The following APBB2 variants were observed in gnomAD, a reference collection of about 807,000 sequenced individuals.
APBB2 encodes the protein Fe65-like 1.
A neutral mutation model predicts 82.5 loss-of-function variants in APBB2; 38 were observed. That is an observed-to-expected ratio of 0.46 (90% CI 0.36 to 0.60). The LOEUF is 0.60. APBB2 is among the 20% of genes least tolerant of loss of function. The probability of loss-of-function intolerance (pLI) is 0.00; values close to 1 mark genes in which losing one functional copy is unlikely to be tolerated. For missense variants in APBB2, 772 were observed against 972.3 expected (o/e 0.79, Z 2.74); for synonymous variants, 341 against 368.2 (o/e 0.93, Z 0.85).
At chr4:41,114,325 A>G (rs1447124272) in intron 2 of APBB2, among the ~76,000 whole-genome samples, 1 of 152,228 alleles carries the variant, frequency 6.6e-6, no homozygotes, top group Non-Finnish European at 1.5e-5. Flanking sequence ...CGTATTTCAA[A>G]ATAATAAGAG....
At position 41,013,574 on chromosome 4, in the gene APBB2, CA is replaced by C. The variant is rs1317351357; in HGVS notation, c.835+8del. 1 of 1,611,820 alleles carries C rather than the reference CA, an allele frequency of 6.2e-7. No individual in the cohort carries two copies. The highest frequency in any genetic ancestry group is 8.5e-7 in the Non-Finnish European group (1 of 1,178,268). On this transcript the variant is annotated splice_region_variant and intron_variant, in intron 6 of 17. Coordinates refer to ENST00000508593, the MANE Select transcript of APBB2 (RefSeq NM_004307.2). ...GTGCCAGCTGAGGCTACGCCTTCCC[CA>C]GGGGTACCTGTTTCATCCGGGGAGC...
intron 6 of APBB2, among the ~76,000 whole-genome samples, chr4:40,991,999 C>CTG (rs1802236839): frequency 6.6e-6 from 1 of 152,048 alleles, no homozygotes; most frequent in Non-Finnish European, 1.5e-5. Flanking sequence ...CACACTCACG[C>CTG]ACAGACACCA....
chr4:41,197,793 A>G, intron 1 of APBB2, among the ~76,000 whole-genome samples: 4 of 152,172 alleles, frequency 2.6e-5, no homozygotes, highest in African/African-American at 9.7e-5. Flanking sequence ...TTCATATGCT[A>G]TTTCACTAAC....
chr4:41,107,257 G>A (rs1353364225), intron 2 of APBB2, among the ~76,000 whole-genome samples: 1 of 152,128 alleles, frequency 6.6e-6, no homozygotes, highest in Non-Finnish European at 1.5e-5. Flanking sequence ...GTTACAGTGA[G>A]CTGAGATCAC....
intron 10 of APBB2, among the ~76,000 whole-genome samples, chr4:40,931,601 C>T (rs1473579683): frequency 1.3e-5 from 2 of 152,154 alleles, no homozygotes; most frequent in African/African-American, 4.8e-5. Flanking sequence ...TCCATTCATG[C>T]TAAAAATCCT....
intron 17 of APBB2, among the ~76,000 whole-genome samples, chr4:40,817,114 T>C (rs1450110339): frequency 6.6e-6 from 1 of 151,960 alleles, no homozygotes; most frequent in Non-Finnish European, 1.5e-5. Context: ...CGTTTTAAAA[T>C]ACAGTTGACC....
chr4:40,977,385 T>G (rs912149795), intron 6 of APBB2, among the ~76,000 whole-genome samples: 1 of 151,420 alleles, frequency 6.6e-6, no homozygotes, highest in Non-Finnish European at 1.5e-5. Flanking sequence ...TAATCTCAGC[T>G]CACTGCAATC....
intron 2 of APBB2, among the ~76,000 whole-genome samples, chr4:41,124,490 G>A (rs1423770375): frequency 6.6e-6 from 1 of 152,156 alleles, no homozygotes; most frequent in East Asian, 1.9e-4. Context: ...GATTACAGGC[G>A]TGAGCCACCG....
Position 41,161,277 on chromosome 4 carries a change from G to A in APBB2, c.-416-18135C>T, listed in dbSNP as rs116265118. ...TTCATAGACACTGCTCGTTTATTCT[G>A]GAATCTCTGAGTCCAAGCCCAAAGT... On this transcript the variant is annotated intron_variant, in intron 1 of 17. Coordinates refer to ENST00000508593, the MANE Select transcript of APBB2 (RefSeq NM_004307.2). 9.5e-3 allele frequency among the ~76,000 whole-genome samples: 1,433 copies of A among 151,466 alleles called. 31 individuals are homozygous for A. Among genetic ancestry groups the A allele is most frequent in the African/African-American group, 0.033 (1,378 of 41,236 alleles).
chr4:41,205,282 G>C (rs1333538585), intron 1 of APBB2, among the ~76,000 whole-genome samples: 4 of 152,170 alleles, frequency 2.6e-5, no homozygotes, highest in African/African-American at 9.7e-5. Context: ...AAAGGGAAGA[G>C]TTACTAAGCA....
intron 1 of APBB2, among the ~76,000 whole-genome samples, chr4:41,151,482 C>G (rs2154027871): frequency 6.6e-6 from 1 of 152,196 alleles, no homozygotes; most frequent in Non-Finnish European, 1.5e-5. Flanking sequence ...TTCATCATTC[C>G]TTTTTGCATC....
chr4:41,027,045 C>T (rs1714552689), intron 5 of APBB2, among the ~76,000 whole-genome samples: 1 of 152,140 alleles, frequency 6.6e-6, no homozygotes, highest in Admixed American at 6.5e-5. Flanking sequence ...TACCTAGATC[C>T]TGTTTTGTTA....
chr4:41,079,193 C>T (rs1194162551), intron 3 of APBB2, among the ~76,000 whole-genome samples: 1 of 152,208 alleles, frequency 6.6e-6, no homozygotes, highest in Admixed American at 6.5e-5. Flanking sequence ...ATTGTATGAC[C>T]TTGGCTATGA....
chr4:41,035,317 C>G (rs1052652601), intron 4 of APBB2, among the ~76,000 whole-genome samples: 6 of 152,110 alleles, frequency 3.9e-5, no homozygotes, highest in African/African-American at 1.4e-4. Flanking sequence ...TCTACTGAAC[C>G]AAGATACATT....
intron 10 of APBB2, among the ~76,000 whole-genome samples, chr4:40,896,778 C>T (rs2154354658): frequency 6.6e-6 from 1 of 152,238 alleles, no homozygotes; most frequent in Admixed American, 6.5e-5. Flanking sequence ...CTGGGTTAGA[C>T]AATAAATCAT....
At chr4:40,830,432 A>C (rs368670723) in intron 13 of APBB2, 31 bp downstream of exon 13, 32 of 1,465,980 alleles carry the variant, frequency 2.2e-5, no homozygotes, top group Non-Finnish European at 3.1e-5. Flanking sequence ...AAAAAGAGAG[A>C]GGCGGCCCAT....
chr4:41,175,943 T>C (rs1386419891), intron 1 of APBB2, among the ~76,000 whole-genome samples: 1 of 124,368 alleles, frequency 8.0e-6, no homozygotes, highest in African/African-American at 3.0e-5. Flanking sequence ...GAAGTTTATG[T>C]ACAAAACCAA....
chr4:40,868,857 T>C (rs1306382560), intron 12 of APBB2, among the ~76,000 whole-genome samples: 2 of 152,220 alleles, frequency 1.3e-5, no homozygotes, highest in African/African-American at 4.8e-5. Flanking sequence ...TTTTAATAAC[T>C]TTTTTCTTTC....
rs1251523457 is a variant in APBB2, at chr4:40,978,933, T to TG, written c.836-33861_836-33860insC. ...GAGTACTTGGAACTCATGATTTTTT[T>TG]TTTAAAAGAAAACTATGAGATACAC... On this transcript the variant is annotated intron_variant, in intron 6 of 17. Coordinates refer to ENST00000508593, the MANE Select transcript of APBB2 (RefSeq NM_004307.2). 2.6e-5 allele frequency among the ~76,000 whole-genome samples: 4 copies of TG among 151,954 alleles called. No homozygotes were observed. In the East Asian group the frequency reaches 7.7e-4, roughly 29 times the overall value.
Sources: allele counts gnomAD v4.1 joint callset (sites outside exome capture counted in the v4.1 genomes callset), GRCh38; gene constraint gnomAD v4.1.1; transcripts MANE v1.5; gene names NCBI Gene and HGNC (gene_info 2026-07-23, HGNC 2026-07-21).